JPH2: variants seen among roughly 807,000 people sequenced by gnomAD.
JPH2 encodes the protein junctophilin 2, also known as junctophilin-2.
Under a neutral mutation model 55.9 loss-of-function variants are expected in JPH2, and 38 were observed. The observed-to-expected ratio is 0.68, with a 90% CI of 0.52 to 0.89. The LOEUF (loss-of-function observed/expected upper bound fraction) is 0.89. Ranked by LOEUF, JPH2 falls within the 40% of genes least tolerant of loss-of-function variation. The probability of loss-of-function intolerance (pLI) is 0.00; values close to 1 mark genes in which losing one functional copy is unlikely to be tolerated. For missense variants in JPH2, 964 were observed against 1,037.6 expected (o/e 0.93, Z 0.97); for synonymous variants, 480 against 472.4 (o/e 1.02, Z -0.21).
Position 44,115,653 on chromosome 20 carries a change from C to G in JPH2, c.2010+12G>C. 6.2e-7 allele frequency: 1 copy of G among 1,612,106 alleles called. No individual in the cohort carries two copies. The highest frequency in any genetic ancestry group is 8.5e-7 in the Non-Finnish European group (1 of 1,179,906). ...AACCCGACCTTAGGCACACCTTGCC[C>G]GACAGCCTCACCTCTTCCACCTCCA... On this transcript the variant is annotated intron_variant, in intron 4 of 5. Coordinates refer to ENST00000372980, the MANE Select transcript of JPH2 (RefSeq NM_020433.5).
In JPH2 at chr20:44,110,441, T is replaced by TC. The variant is rs2072134170; in HGVS notation, c.*3076dup. 7.2e-6 allele frequency among the ~76,000 whole-genome samples: 1 copy of TC among 139,470 alleles called. No homozygotes were observed. Among genetic ancestry groups the TC allele is most frequent in the Admixed American group, 7.1e-5 (1 of 14,112 alleles). 91.5% of individuals were successfully genotyped at this position (139,470 alleles called of 152,430 possible). On this transcript the variant is annotated 3_prime_UTR_variant, in exon 6 of 6. Coordinates refer to ENST00000372980, the MANE Select transcript of JPH2 (RefSeq NM_020433.5). ...GAAAACTTTTGTGTTTTTTTTTTTT[T>TC]CCAGATGGAGTCTTGCTCTGTCACC...
At chr20:44,135,037 G>T (rs962400486) in intron 2 of JPH2, among the ~76,000 whole-genome samples, 2 of 147,858 alleles carry the variant, frequency 1.4e-5, no homozygotes, top group South Asian at 2.1e-4. Flanking sequence ...TGCCTGGGGG[G>T]CTCAGGGAGG....
chr20:44,137,936 G>A (rs2072426173), intron 2 of JPH2, among the ~76,000 whole-genome samples: 1 of 152,120 alleles, frequency 6.6e-6, no homozygotes, highest in South Asian at 2.1e-4. Context: ...AAGAATGATA[G>A]GTGGTACCAG....
chr20:44,163,558 G>A (rs987852489), intron 1 of JPH2, among the ~76,000 whole-genome samples: 1 of 152,138 alleles, frequency 6.6e-6, no homozygotes, highest in East Asian at 1.9e-4. Flanking sequence ...CAATGCCAGG[G>A]GCTCACTAAA....
chr20:44,137,326 C>T (rs989356005), intron 2 of JPH2, among the ~76,000 whole-genome samples: 1 of 151,242 alleles, frequency 6.6e-6, no homozygotes, highest in African/African-American at 2.4e-5. Context: ...TAAATAAGGA[C>T]AAGGCGCCCA....
Position 44,116,315 on chromosome 20 carries a change from C to T in JPH2, c.1360G>A (p.Asp454Asn), listed in dbSNP as rs899891263. The T allele has an allele frequency of 1.3e-6, 2 of 1,543,392 alleles. No individual in the cohort carries two copies. The highest frequency in any genetic ancestry group is 1.4e-5 in the African/African-American group (1 of 72,706). ...AGGCCCGCTGCGCCGGCGCCCCGGT[C>T]GGGGGGCTCCAGCAGGCTCTCCGAG... ...ENSESLLEPP[D>N]RGAGAAGLPQ... is the part of the protein sequence containing the mutation. The change falls in exon 4 of 6, where the codon GAC becomes AAC. Residue 454 changes from aspartate (D) to asparagine (N), a missense_variant. Transcript: ENST00000372980.
chr20:44,149,594 C>T (rs566664536), intron 2 of JPH2, among the ~76,000 whole-genome samples: 6 of 152,302 alleles, frequency 3.9e-5, no homozygotes, highest in Non-Finnish European at 8.8e-5. Flanking sequence ...GTGACCCTGC[C>T]CTCTTCTTCC....
intron 1 of JPH2, among the ~76,000 whole-genome samples, chr20:44,169,881 G>A (rs1046437361): frequency 4.6e-5 from 7 of 152,016 alleles, no homozygotes; most frequent in East Asian, 1.9e-4. Context: ...TAGCACACTC[G>A]GCCCTCTCAT....
intron 1 of JPH2, among the ~76,000 whole-genome samples, chr20:44,173,916 A>G (rs1435645379): frequency 6.6e-6 from 1 of 152,170 alleles, no homozygotes; most frequent in Non-Finnish European, 1.5e-5. Context: ...CCGACTCAAA[A>G]CAAACAAACA....
Position 44,160,363 on chromosome 20 carries a change from C to A in JPH2, c.424G>T (p.Gly142Ter), listed in dbSNP as rs765874503. ...CCGTAGGGCACGCTCTGGCGTACTC[C>A]GTAGCCATGGCGCATGCCGTTGGTG... ...QFTNGMRHGY[G>*]VRQSVPYGMA... Residue 142 changes from glycine to a stop codon, truncating the protein, a stop_gained, in exon 2 of 6, where the codon GGA becomes TGA. Transcript: ENST00000372980. LOFTEE classifies it high-confidence loss of function. This position sits in a 1 kb window ranked among gnomAD's most constrained non-coding sequence, Gnocchi z 4.9. The A allele has an allele frequency of 9.4e-6, 15 of 1,604,016 alleles. No individual in the cohort carries two copies. Among genetic ancestry groups the A allele is most frequent in the Non-Finnish European group, 1.3e-5 (15 of 1,176,066 alleles).
chr20:44,119,747 G>A (rs1199558925), intron 2 of JPH2, among the ~76,000 whole-genome samples: 4 of 151,892 alleles, frequency 2.6e-5, no homozygotes, highest in Admixed American at 1.3e-4. Flanking sequence ...GGTGGCGGGC[G>A]CCTGTAGTCC....
At chr20:44,173,011 A>G (rs1173347625) in intron 1 of JPH2, among the ~76,000 whole-genome samples, 3 of 152,246 alleles carry the variant, frequency 2.0e-5, no homozygotes, top group Admixed American at 1.3e-4. Flanking sequence ...AACTGACTCC[A>G]TCTTACTTCT....
rs1209463393 is a variant in JPH2, at chr20:44,126,184, A to AAGGAAGGG, written c.1170-7569_1170-7562dup. Among the ~76,000 whole-genome samples the AAGGAAGGG allele has an allele frequency of 4.1e-5, 4 of 96,666 alleles. No individual in the cohort carries two copies. The South Asian group carries it at 2.1e-3, about 51-fold the overall frequency. The allele number at this position is 96,666 out of a possible 152,430, so 63.4% of individuals were successfully genotyped here. A position where few individuals can be genotyped will look rare whatever the true frequency, so the allele number is the denominator to read the frequency against. On this transcript the variant is annotated intron_variant, in intron 2 of 5. Coordinates refer to ENST00000372980, the MANE Select transcript of JPH2 (RefSeq NM_020433.5). ...GGAGGGAGGGAGGAAGGAAGGAAGG[A>AAGGAAGGG]AGGAAGGGAGGAAGGAAGGAAGAAG...
chr20:44,159,713 C>G lies in JPH2; in HGVS notation c.1074G>C (p.Lys358Asn), dbSNP rs1387658903. ...KDTKRRMLQLKSNKVRQKVEH... is the reference protein window; with the variant it reads ...KDTKRRMLQLNSNKVRQKVEH... ...CCACTTTCTGGCGGACCTTGTTGCT[C>G]TTGAGCTGCAGCATGCGGCGCTTGG... is the stretch of plus-strand genomic sequence containing the variant. The change falls in exon 2 of 6, where the codon AAG becomes AAC. Residue 358 changes from lysine (K) to asparagine (N), a missense_variant. By Grantham distance (94) the Lys-to-Asn change is moderately conservative. Coordinates refer to ENST00000372980, the MANE Select transcript of JPH2 (RefSeq NM_020433.5). The surrounding 1 kb of genome is among the most constrained non-coding windows in gnomAD (Gnocchi z 5.7). 2.5e-6 allele frequency: 4 copies of G among 1,613,424 alleles called. No individual in the cohort carries two copies. Among genetic ancestry groups the G allele is most frequent in the Non-Finnish European group, 3.4e-6 (4 of 1,179,986 alleles).
intron 2 of JPH2, among the ~76,000 whole-genome samples, chr20:44,119,061 C>T (rs1374962243): frequency 6.6e-6 from 1 of 152,186 alleles, no homozygotes; most frequent in Non-Finnish European, 1.5e-5. Context: ...TGGATCCCTT[C>T]TCAGAATAAT....
chr20:44,160,187 G>A lies in JPH2; in HGVS notation c.600C>T (p.Phe200=), dbSNP rs1348481417. 1.4e-6 allele frequency: 2 copies of A among 1,400,126 alleles called. No homozygotes were observed. Among genetic ancestry groups the A allele is most frequent in the Admixed American group, 3.5e-5 (1 of 28,850 alleles). 86.7% of individuals were successfully genotyped at this position (1,400,126 alleles called of 1,614,324 possible). A position where few individuals can be genotyped will look rare whatever the true frequency, so the allele number is the denominator to read the frequency against. Residue 200 remains phenylalanine, a synonymous_variant, in exon 2 of 6, where the codon TTC becomes TTT. Coordinates refer to ENST00000372980, the MANE Select transcript of JPH2 (RefSeq NM_020433.5). The surrounding 1 kb of genome is among the most constrained non-coding windows in gnomAD (Gnocchi z 4.9). ...CGGCATTGGCCAGGAGGCTGAGCGC[G>A]AAGCCGCCACGCGGGATGGCGGGCG... is the stretch of plus-strand genomic sequence containing the variant. ...LPSPAIPRGG[F]ALSLLANAEA...
Position 44,160,475 on chromosome 20 carries a change from G to A in JPH2, c.380-68C>T. 1 of 1,548,664 alleles carries A rather than the reference G, an allele frequency of 6.5e-7. No homozygotes were observed. Among genetic ancestry groups the A allele is most frequent in the Non-Finnish European group, 8.8e-7 (1 of 1,140,690 alleles). ...TCCCCGCGTGTGCACGGTGGCCTGG[G>A]AGGGCAAGGGCGGGAGTGGGCAAGG... On this transcript the variant is annotated intron_variant, in intron 1 of 5. Coordinates refer to ENST00000372980, the MANE Select transcript of JPH2 (RefSeq NM_020433.5). The surrounding 1 kb of genome is among the most constrained non-coding windows in gnomAD (Gnocchi z 4.9).
At chr20:44,168,366 A>C (rs772225453) in intron 1 of JPH2, among the ~76,000 whole-genome samples, 84 of 142,660 alleles carry the variant, frequency 5.9e-4, no homozygotes, top group Admixed American at 2.0e-3. Context: ...TTTACACACA[A>C]AAAAAATATT....
intron 2 of JPH2, among the ~76,000 whole-genome samples, chr20:44,158,752 T>C (rs1277680324): frequency 6.6e-6 from 1 of 150,560 alleles, no homozygotes; most frequent in Non-Finnish European, 1.5e-5. Context: ...GTGATAGAGG[T>C]GGCTGGCTGG....
Sources: allele counts gnomAD v4.1 joint callset (sites outside exome capture counted in the v4.1 genomes callset), GRCh38; gene constraint gnomAD v4.1.1; non-coding constraint Gnocchi (gnomAD v3.1); transcripts MANE v1.5; gene names NCBI Gene and HGNC (gene_info 2026-07-23, HGNC 2026-07-21).